Variants in MNDA observed in about 807,000 individuals in gnomAD.
MNDA encodes epididymis secretory sperm binding protein.
A neutral mutation model predicts 37.8 loss-of-function variants in MNDA; 43 were observed. That is an observed-to-expected ratio of 1.14 (90% CI 0.89 to 1.47). The LOEUF is 1.47. Among genes scored for constraint, MNDA ranks in the 40% most tolerant of loss-of-function variants. MNDA has a pLI of 0.00. For synonymous variants in MNDA, 181 were observed against 169.0 expected, an observed-to-expected ratio of 1.07 and a Z score of -0.55; for missense variants, 536 against 476.0, an observed-to-expected ratio of 1.13 and a Z score of -1.17.
chr1:158,846,550 T>C (rs1382419876), intron 5 of MNDA, among the ~76,000 whole-genome samples: 4 of 152,142 alleles, frequency 2.6e-5, no homozygotes, highest in Admixed American at 6.5e-5. Context: ...TTTATGAAGA[T>C]AGCATTGAAC....
chr1:158,845,762 T>C lies in MNDA; in HGVS notation c.746T>C (p.Val249Ala), dbSNP rs763037468. Reference protein sequence around the residue: ...TVASKTQYFHVKVFDINLKEK... With the variant: ...TVASKTQYFHAKVFDINLKEK... Reference sequence around the variant, plus strand: ...GCCAGTAAGACTCAATATTTCCATGTGAAAGTCTTCGACATCAACTTGAAA... The same window carrying C: ...GCCAGTAAGACTCAATATTTCCATGCGAAAGTCTTCGACATCAACTTGAAA... Residue 249 changes from valine to alanine, a missense_variant, in exon 5 of 7, where the codon GTG (valine) becomes GCG (alanine). Val to Ala is a moderately conservative substitution (Grantham distance 64). Coordinates refer to ENST00000368141, the MANE Select transcript of MNDA (RefSeq NM_002432.3). The C allele has an allele frequency of 6.2e-7, 1 of 1,614,142 alleles. No individual in the cohort carries two copies. Among genetic ancestry groups the C allele is most frequent in the East Asian group, 2.2e-5 (1 of 44,882 alleles).
intron 1 of MNDA, among the ~76,000 whole-genome samples, chr1:158,837,528 C>T (rs1248654506): frequency 1.3e-5 from 2 of 151,698 alleles, no homozygotes; most frequent in Non-Finnish European, 3.0e-5. Flanking sequence ...AAACTCTGCT[C>T]TCTTATTTAA....
In MNDA at chr1:158,849,469, C is replaced by A; in HGVS notation, c.*232C>A. 1 of 435,240 alleles carries A rather than the reference C, an allele frequency of 2.3e-6. No individual in the cohort carries two copies. 27.0% of individuals were successfully genotyped at this position (435,240 alleles called of 1,614,324 possible). A position where few individuals can be genotyped will look rare whatever the true frequency, so the allele number is the denominator to read the frequency against. On this transcript the variant is annotated 3_prime_UTR_variant, in exon 7 of 7. Coordinates refer to ENST00000368141, the MANE Select transcript of MNDA (RefSeq NM_002432.3). ...TTACATTTTGCTTTTATGACATTCA[C>A]GAGGCAAAAAATAAAATATCTTTTT...
At chr1:158,842,648 A>G (rs1408614884) in intron 2 of MNDA, 1 of 368,268 alleles carries the variant, frequency 2.7e-6, no homozygotes, top group African/African-American at 2.1e-5. Context: ...TAAAAAACCA[A>G]AGACAGGGAT....
Position 158,844,095 on chromosome 1 carries a change from A to G in MNDA, c.543A>G (p.Ser181=), listed in dbSNP as rs772881087. 7.5e-6 allele frequency: 12 copies of G among 1,591,092 alleles called. No individual in the cohort carries two copies. Among genetic ancestry groups the G allele is most frequent in the Non-Finnish European group, 1.0e-5 (12 of 1,170,652 alleles). The part of the protein sequence containing the change: ...DHPPLPQTSS[S]TPSNTSFTPN... Reference sequence around the variant, plus strand: ...CCCCACTACCCCAGACCTCATCATCAACTCCATCCAACACTTCGTTTACTC... The same window carrying G: ...CCCCACTACCCCAGACCTCATCATCGACTCCATCCAACACTTCGTTTACTC... The change falls in exon 4 of 7, where the codon TCA becomes TCG. Residue 181 remains serine (S), a synonymous_variant. Coordinates refer to ENST00000368141, the MANE Select transcript of MNDA (RefSeq NM_002432.3).
chr1:158,835,622 G>T (rs1280719116), intron 1 of MNDA, among the ~76,000 whole-genome samples: 39 of 12,984 alleles, frequency 3.0e-3, no homozygotes, highest in African/African-American at 8.1e-3. Context: ...TGGTGGGGGC[G>T]GGGGGTGGGT....
At chr1:158,843,193 G>A in intron 2 of MNDA, 86 bp from the exon 3 acceptor site, 2 of 1,475,984 alleles carry the variant, frequency 1.4e-6, no homozygotes. Context: ...GGAGCTGACA[G>A]CAGGTAATAT....
intron 1 of MNDA, among the ~76,000 whole-genome samples, chr1:158,841,782 T>C (rs1659033573): frequency 6.6e-6 from 1 of 151,980 alleles, no homozygotes; most frequent in African/African-American, 2.4e-5. Flanking sequence ...AGGTAGGCAT[T>C]GAGGGATAGG....
At chr1:158,841,226 G>A (rs1019348632) in intron 1 of MNDA, among the ~76,000 whole-genome samples, 5 of 152,014 alleles carry the variant, frequency 3.3e-5, no homozygotes, top group Admixed American at 3.3e-4. Flanking sequence ...TAGAGCATAA[G>A]GTATAAGAAA....
At position 158,842,369 on chromosome 1, in the gene MNDA, G is replaced by A; in HGVS notation, c.216G>A (p.Met72Ile). Residue 72 changes from methionine to isoleucine, a missense_variant, in exon 2 of 7, where the codon ATG becomes ATA. Transcript: ENST00000368141. ...AACTAATAGAACTTGCCAAAGATAT[G>A]CCATCACTTAAAAACCTTGTTAACA... ...LDKLIELAKD[M>I]PSLKNLVNNL... is the part of the protein sequence containing the mutation. 6.2e-7 allele frequency: 1 copy of A among 1,613,628 alleles called. No individual in the cohort carries two copies. The highest frequency in any genetic ancestry group is 8.5e-7 in the Non-Finnish European group (1 of 1,179,900).
intron 1 of MNDA, among the ~76,000 whole-genome samples, chr1:158,831,934 T>C (rs1658812252): frequency 6.6e-6 from 1 of 152,136 alleles, no homozygotes; most frequent in Non-Finnish European, 1.5e-5. Context: ...TAATATTTAG[T>C]AAAAAATAAA....
Position 158,845,697 on chromosome 1 carries a change from C to A in MNDA, c.681C>A (p.Ser227=). The A allele has an allele frequency of 6.2e-7, 1 of 1,614,042 alleles. No homozygotes were observed. Among genetic ancestry groups the A allele is most frequent in the East Asian group, 2.2e-5 (1 of 44,878 alleles). The change falls in exon 5 of 7, where the codon TCC becomes TCA. Residue 227 remains serine, a synonymous_variant. Coordinates refer to ENST00000368141, the MANE Select transcript of MNDA (RefSeq NM_002432.3). ...LKATAPFKYE[S]PENGKSTMFH... is the part of the protein sequence containing the mutation. ...CAACAGCGCCATTTAAATACGAGTC[C>A]CCAGAAAATGGGAAAAGCACAATGT...
rs557605138 is a variant in MNDA at position 158,833,979 on chromosome 1, G to T, written c.-21+2422G>T. Among the ~76,000 whole-genome samples, 10 of 152,018 alleles carry T rather than the reference G, an allele frequency of 6.6e-5. No homozygotes were observed. In the South Asian group the frequency reaches 2.1e-3, roughly 32 times the overall value. On this transcript the variant is annotated intron_variant, in intron 1 of 6. Coordinates refer to ENST00000368141, the MANE Select transcript of MNDA (RefSeq NM_002432.3). ...TACATTCCTACCAATGATGTACAAG[G>T]TTTCCCTTTTTTACTCATCCTCACC...
chr1:158,834,250 T>TG (rs1658863866), intron 1 of MNDA, among the ~76,000 whole-genome samples: 1 of 150,604 alleles, frequency 6.6e-6, no homozygotes, highest in Non-Finnish European at 1.5e-5. Context: ...TTTTTTTTTT[T>TG]GAGACGGAGT....
At chr1:158,847,634 C>A in intron 5 of MNDA, 94 bp from the exon 6 acceptor site, 1 of 1,180,922 alleles carries the variant, frequency 8.5e-7, no homozygotes, top group Non-Finnish European at 1.2e-6. Flanking sequence ...TCATTCCTGT[C>A]GTGCATATTG....
At position 158,847,763 on chromosome 1, in the gene MNDA, A is replaced by G. The variant is rs1407991310; in HGVS notation, c.1023A>G (p.Ile341Met). The change falls in exon 6 of 7, where the codon ATA becomes ATG. Residue 341 changes from isoleucine to methionine, a missense_variant. By Grantham distance (10) the Ile-to-Met change is conservative. Transcript: ENST00000368141. The stretch of plus-strand genomic sequence containing the variant: ...ACAAGAAGAACACAATTTATGAAAT[A>G]CAGGATAATACAGGATCCATGGATG... Reference protein sequence around the residue: ...SVHKKNTIYEIQDNTGSMDVV... With the variant: ...SVHKKNTIYEMQDNTGSMDVV... The G allele has an allele frequency of 6.2e-7, 1 of 1,612,740 alleles. No homozygotes were observed. Among genetic ancestry groups the G allele is most frequent in the African/African-American group, 1.3e-5 (1 of 74,984 alleles).
intron 6 of MNDA, among the ~76,000 whole-genome samples, chr1:158,848,229 A>G (rs1659179546): frequency 6.6e-6 from 1 of 152,212 alleles, no homozygotes; most frequent in Non-Finnish European, 1.5e-5. Flanking sequence ...TTTAAGAAGC[A>G]CTAGTTGGCT....
intron 3 of MNDA, 106 bp from the exon 4 acceptor site, chr1:158,843,849 C>T: frequency 4.1e-6 from 4 of 980,146 alleles, no homozygotes; most frequent in Middle Eastern, 2.9e-4. Context: ...CAAGGACATC[C>T]CATCCAACAT....
In MNDA at chr1:158,847,760, A is replaced by G. The variant is rs146728518; in HGVS notation, c.1020A>G (p.Glu340=). Residue 340 remains glutamate (E), a synonymous_variant, in exon 6 of 7, where the codon GAA becomes GAG. Transcript: ENST00000368141. ...KSVHKKNTIY[E]IQDNTGSMDV... ...TACACAAGAAGAACACAATTTATGA[A>G]ATACAGGATAATACAGGATCCATGG... is the stretch of plus-strand genomic sequence containing the variant. The G allele has an allele frequency of 2.0e-5, 33 of 1,612,286 alleles. No homozygotes were observed. In the African/African-American group the frequency reaches 4.0e-4, roughly 20 times the overall value.
Sources: gnomAD v4.1 joint callset for allele counts (sites outside exome capture counted in the v4.1 genomes callset) on GRCh38, gnomAD v4.1.1 for gene constraint, MANE v1.5 for transcripts, NCBI Gene and HGNC (gene_info 2026-07-23, HGNC 2026-07-21) for gene names.